TBL1XR1: variants seen among roughly 807,000 people sequenced by gnomAD.
TBL1XR1 encodes F-box-like/WD repeat-containing protein TBL1XR1.
In TBL1XR1, 5 loss-of-function variants were observed where a neutral mutation model predicts 66.9. That is an observed-to-expected ratio of 0.07 (90% CI 0.04 to 0.16). TBL1XR1 has a LOEUF of 0.16. TBL1XR1 is among the 10% of genes least tolerant of loss of function. TBL1XR1 has a pLI of 1.00. For synonymous variants in TBL1XR1, 210 were observed against 206.0 expected (o/e 1.02, Z -0.17); for missense variants, 238 against 623.2 (o/e 0.38, Z 6.58).
intron 2 of TBL1XR1, among the ~76,000 whole-genome samples, chr3:177,096,010 C>T (rs1352318620): frequency 1.3e-5 from 2 of 152,028 alleles, no homozygotes; most frequent in African/African-American, 4.8e-5. Flanking sequence ...CTACTATATA[C>T]CAACCTTTTA....
intron 1 of TBL1XR1, among the ~76,000 whole-genome samples, chr3:177,166,106 G>C: frequency 6.6e-6 from 1 of 152,040 alleles, no homozygotes; most frequent in East Asian, 1.9e-4. Context: ...TGGATCATAG[G>C]CCAGGCACAG....
chr3:177,106,124 C>T (rs1041851848), intron 1 of TBL1XR1, among the ~76,000 whole-genome samples: 2 of 151,280 alleles, frequency 1.3e-5, no homozygotes, highest in African/African-American at 4.9e-5. Context: ...CAGAAAGGGG[C>T]CTAAAAAGAC....
intron 3 of TBL1XR1, among the ~76,000 whole-genome samples, chr3:177,061,242 G>C (rs1405364633): frequency 1.3e-5 from 2 of 152,116 alleles, no homozygotes; most frequent in African/African-American, 4.8e-5. Context: ...GTATTTTATA[G>C]GTGAGAAAAA....
chr3:177,075,909 T>C (rs1169758792), intron 2 of TBL1XR1, among the ~76,000 whole-genome samples: 1 of 152,194 alleles, frequency 6.6e-6, no homozygotes, highest in Non-Finnish European at 1.5e-5. Flanking sequence ...AGGAGGGGTC[T>C]GTTCCAGGCC....
intron 1 of TBL1XR1, among the ~76,000 whole-genome samples, chr3:177,164,634 C>A (rs997090019): frequency 1.2e-4 from 19 of 152,180 alleles, no homozygotes; most frequent in Admixed American, 1.2e-3. Context: ...AGGCGTGAGC[C>A]ACTGCGCCCA....
chr3:177,152,143 A>T (rs540684246), intron 1 of TBL1XR1, among the ~76,000 whole-genome samples: 25 of 152,362 alleles, frequency 1.6e-4, no homozygotes, highest in African/African-American at 5.8e-4. Flanking sequence ...AGTTTAGATT[A>T]TTCAGCCTGG....
intron 9 of TBL1XR1, among the ~76,000 whole-genome samples, 193 bp from the exon 10 acceptor site, chr3:177,046,382 T>C (rs1716326951): frequency 6.6e-6 from 1 of 152,170 alleles, no homozygotes; most frequent in South Asian, 2.1e-4. Flanking sequence ...GATTCTTCCC[T>C]GATGATTTTG....
At chr3:177,097,101 G>T (rs1723594884) in intron 2 of TBL1XR1, among the ~76,000 whole-genome samples, 1 of 152,068 alleles carries the variant, frequency 6.6e-6, no homozygotes, top group Non-Finnish European at 1.5e-5. Context: ...TTATTTCTGG[G>T]AATATTTTCA....
rs911476655 is a variant in TBL1XR1, at chr3:177,181,102, T to C, written c.-122+16019A>G. ...TAGAGGATGTTGCCTCAGCTCACTC[T>C]GACAACTCGGTGTTGCCATCACCTA... On this transcript the variant is annotated intron_variant, in intron 1 of 15. Coordinates refer to ENST00000457928, the MANE Select transcript of TBL1XR1 (RefSeq NM_024665.7). Among the ~76,000 whole-genome samples, 5 of 152,286 alleles carry C rather than the reference T, an allele frequency of 3.3e-5. 2 individuals are homozygous for C. Among genetic ancestry groups the C allele is most frequent in the African/African-American group, 1.2e-4 (5 of 41,568 alleles).
At chr3:177,182,274 C>T (rs1024317601) in intron 1 of TBL1XR1, among the ~76,000 whole-genome samples, 3 of 152,046 alleles carry the variant, frequency 2.0e-5, no homozygotes, top group African/African-American at 7.2e-5. Context: ...GTCCCAGATA[C>T]TCAAGAGGCT....
At chr3:177,170,787 T>G (rs1349830500) in intron 1 of TBL1XR1, among the ~76,000 whole-genome samples, 1 of 152,062 alleles carries the variant, frequency 6.6e-6, no homozygotes, top group Non-Finnish European at 1.5e-5. Flanking sequence ...GTATTTTTTG[T>G]TGAGACGAGG....
chr3:177,076,636 A>G (rs1486699432), intron 2 of TBL1XR1, among the ~76,000 whole-genome samples: 2 of 152,094 alleles, frequency 1.3e-5, no homozygotes, highest in Non-Finnish European at 2.9e-5. Context: ...TGTAGAAGAC[A>G]GGTACAGACA....
intron 1 of TBL1XR1, among the ~76,000 whole-genome samples, chr3:177,142,964 A>G (rs1327422679): frequency 6.6e-6 from 1 of 152,040 alleles, no homozygotes; most frequent in Non-Finnish European, 1.5e-5. Flanking sequence ...TGGCAAACAA[A>G]TGTCCTTTGG....
Position 177,025,537 on chromosome 3 carries a change from A to T in TBL1XR1, c.1519-13T>A. ...CTAATACACAAACCTGTAAGAAATTAAAATAATCAACCAGTGTATTCAGAA... is the reference window on the plus strand; with the variant it reads ...CTAATACACAAACCTGTAAGAAATTTAAATAATCAACCAGTGTATTCAGAA... On this transcript the variant is annotated splice_polypyrimidine_tract_variant and intron_variant, in intron 15 of 15. Coordinates refer to ENST00000457928, the MANE Select transcript of TBL1XR1 (RefSeq NM_024665.7). The T allele has an allele frequency of 6.2e-7, 1 of 1,611,760 alleles. No homozygotes were observed. Among genetic ancestry groups the T allele is most frequent in the Non-Finnish European group, 8.5e-7 (1 of 1,178,728 alleles).
intron 10 of TBL1XR1, among the ~76,000 whole-genome samples, chr3:177,041,850 A>C (rs1335156215): frequency 2.6e-5 from 4 of 152,194 alleles, no homozygotes; most frequent in Non-Finnish European, 4.4e-5. Context: ...AGTAGTAAGA[A>C]GACAAGCACG....
chr3:177,055,535 T>G (rs1717688094), intron 3 of TBL1XR1, among the ~76,000 whole-genome samples: 1 of 113,326 alleles, frequency 8.8e-6, no homozygotes, highest in South Asian at 3.1e-4. Context: ...CTCACAGAGA[T>G]ACCAATCGGG....
rs780786577 is a variant in TBL1XR1 at position 177,051,703 on chromosome 3, T to C, written c.228A>G (p.Arg76=). 2 of 1,590,346 alleles carry C rather than the reference T, an allele frequency of 1.3e-6. No homozygotes were observed. The highest frequency in any genetic ancestry group is 1.7e-6 in the Non-Finnish European group (2 of 1,165,368). The change falls in exon 5 of 16, where the codon CGA becomes CGG. Residue 76 remains arginine, a synonymous_variant. Transcript: ENST00000457928. ...CTATCAGGGACAGAGACTCTATTGG[T>C]CGACCATCAAACAAGGTACCATCCT... ...INEDGTLFDG[R]PIESLSLIDA...
At chr3:177,098,789 G>A (rs1023182083) in intron 1 of TBL1XR1, among the ~76,000 whole-genome samples, 6 of 152,140 alleles carry the variant, frequency 3.9e-5, no homozygotes, top group Non-Finnish European at 8.8e-5. Flanking sequence ...AGATTCATCT[G>A]CACACAAGTG....
At chr3:177,125,931 T>G (rs902160079) in intron 1 of TBL1XR1, 7 of 152,234 alleles carry the variant, frequency 4.6e-5, no homozygotes, top group African/African-American at 1.7e-4. Context: ...ACATTTCTTT[T>G]GTTTTTAATT....
Sources: allele counts gnomAD v4.1 joint callset (sites outside exome capture counted in the v4.1 genomes callset), GRCh38; gene constraint gnomAD v4.1.1; transcripts MANE v1.5; gene names NCBI Gene and HGNC (gene_info 2026-07-23, HGNC 2026-07-21).